SOX5: variants seen among roughly 807,000 people sequenced by gnomAD.
SOX5 encodes the protein transcription factor SOX-5.
A neutral mutation model predicts 92.0 loss-of-function variants in SOX5; 9 were observed. That is an observed-to-expected ratio of 0.10 (90% CI 0.06 to 0.17). The LOEUF (loss-of-function observed/expected upper bound fraction) is 0.17, where lower values mean the gene tolerates loss of function less well. SOX5 is among the 10% of genes least tolerant of loss of function. The pLI, the probability that SOX5 is intolerant of heterozygous loss-of-function variation, is 1.00. For missense variants in SOX5, 642 were observed against 944.5 expected, an observed-to-expected ratio of 0.68 and a Z score of 4.20; for synonymous variants, 344 against 336.3, an observed-to-expected ratio of 1.02 and a Z score of -0.25.
At chr12:24,333,851 T>TAAAAAAA (rs5797076) in intron 2 of SOX5, among the ~76,000 whole-genome samples, 2 of 138,508 alleles carry the variant, frequency 1.4e-5, no homozygotes, top group Non-Finnish European at 1.6e-5. Flanking sequence ...TTCACCAAGT[T>TAAAAAAA]AAAAAAAAAA....
chr12:23,556,536 G>A (rs1945209459), intron 11 of SOX5, among the ~76,000 whole-genome samples: 1 of 152,096 alleles, frequency 6.6e-6, no homozygotes, highest in South Asian at 2.1e-4. Flanking sequence ...CACACCCCTA[G>A]TAAAATCTGC....
At position 24,551,373 on chromosome 12, in the gene SOX5, C is replaced by T. The variant is rs78554029; in HGVS notation, c.-251+10956G>A. Reference sequence around the variant, plus strand: ...ACAATCAGATGTAGACCTCACTGAACGTTAAATAGATTGTCTAAGAATGTG... The same window carrying T: ...ACAATCAGATGTAGACCTCACTGAATGTTAAATAGATTGTCTAAGAATGTG... On this transcript the variant is annotated intron_variant, in intron 1 of 4. Transcript: ENST00000446891. 5.3e-3 allele frequency among the ~76,000 whole-genome samples: 805 copies of T among 152,148 alleles called. 4 individuals are homozygous for T. Among genetic ancestry groups the T allele is most frequent in the African/African-American group, 0.019 (780 of 41,496 alleles).
intron 1 of SOX5, among the ~76,000 whole-genome samples, chr12:24,539,432 G>T (rs554221544): frequency 2.0e-5 from 3 of 152,228 alleles, no homozygotes; most frequent in African/African-American, 7.2e-5. Context: ...ATTAAAAGGT[G>T]ATGTTACAAA....
intron 3 of SOX5, among the ~76,000 whole-genome samples, chr12:23,801,244 G>A (rs1432127677): frequency 1.3e-5 from 2 of 152,148 alleles, no homozygotes; most frequent in South Asian, 4.2e-4. Context: ...TGAAACATTG[G>A]TCTATAAGAA....
At chr12:24,407,109 A>G (rs1279947059) in intron 1 of SOX5, among the ~76,000 whole-genome samples, 1 of 151,982 alleles carries the variant, frequency 6.6e-6, no homozygotes, top group African/African-American at 2.4e-5. Flanking sequence ...AGGGTGGGGG[A>G]GCTTTTTAAT....
rs1369171008 is a variant in SOX5 at position 23,834,865 on chromosome 12, A to C, written c.481+11118T>G. 2.0e-5 allele frequency among the ~76,000 whole-genome samples: 3 copies of C among 151,882 alleles called. No individual in the cohort carries two copies. The East Asian group carries it at 5.8e-4, about 29-fold the overall frequency. The stretch of plus-strand genomic sequence containing the variant: ...GAAACTTAACTGTGTGAATAAGCTG[A>C]AATGGCCATTTCAAAGAGATGCTGA... On this transcript the variant is annotated intron_variant, in intron 3 of 14. Coordinates refer to ENST00000451604, the MANE Select transcript of SOX5 (RefSeq NM_006940.6).
intron 4 of SOX5, among the ~76,000 whole-genome samples, chr12:24,132,632 C>A (rs1949755184): frequency 6.6e-6 from 1 of 152,098 alleles, no homozygotes; most frequent in Non-Finnish European, 1.5e-5. Flanking sequence ...CAAATTTATA[C>A]AGAAACTATT....
At chr12:24,545,427 C>G (rs1298835964) in intron 1 of SOX5, among the ~76,000 whole-genome samples, 2 of 151,832 alleles carry the variant, frequency 1.3e-5, no homozygotes, top group African/African-American at 4.8e-5. Context: ...TGAGGAAATG[C>G]ATTATGGATT....
At chr12:23,922,812 C>T (rs1376962150) in intron 1 of SOX5, among the ~76,000 whole-genome samples, 2 of 152,178 alleles carry the variant, frequency 1.3e-5, no homozygotes, top group African/African-American at 4.8e-5. Context: ...AGCTGACGCA[C>T]TCACAATCTA....
chr12:24,299,405 C>T (rs951370826), intron 2 of SOX5, among the ~76,000 whole-genome samples: 7 of 151,928 alleles, frequency 4.6e-5, no homozygotes, highest in South Asian at 4.2e-4. Context: ...ATATCCAGCC[C>T]GGTGAGAATC....
intron 1 of SOX5, among the ~76,000 whole-genome samples, chr12:24,394,407 G>T (rs975345961): frequency 6.6e-6 from 1 of 152,142 alleles, no homozygotes; most frequent in African/African-American, 2.4e-5. Flanking sequence ...ATCTGCAGGA[G>T]CCCGGCCGCC....
At chr12:24,444,695 C>T (rs1596712149) in intron 1 of SOX5, among the ~76,000 whole-genome samples, 2 of 152,286 alleles carry the variant, frequency 1.3e-5, no homozygotes, top group African/African-American at 4.8e-5. Context: ...TACACTCCAT[C>T]CCAGAAGCAG....
chr12:24,216,688 C>T (rs1959184609), intron 3 of SOX5, among the ~76,000 whole-genome samples: 1 of 152,008 alleles, frequency 6.6e-6, no homozygotes, highest in African/African-American at 2.4e-5. Flanking sequence ...TTTGGGAGAC[C>T]AAGAAGGAGG....
intron 3 of SOX5, among the ~76,000 whole-genome samples, chr12:23,835,205 T>A (rs2096393186): frequency 6.6e-6 from 1 of 151,784 alleles, no homozygotes; most frequent in Non-Finnish European, 1.5e-5. Flanking sequence ...TTAAATTTAA[T>A]GAAATGGTCT....
intron 2 of SOX5, among the ~76,000 whole-genome samples, chr12:23,879,750 T>C (rs1161248916): frequency 1.3e-5 from 2 of 152,208 alleles, no homozygotes; most frequent in Non-Finnish European, 2.9e-5. Flanking sequence ...CCTCACAAGC[T>C]AAATAGTCTT....
chr12:24,196,923 A>G (rs1022838179), intron 4 of SOX5, among the ~76,000 whole-genome samples: 2 of 152,022 alleles, frequency 1.3e-5, no homozygotes, highest in African/African-American at 4.8e-5. Flanking sequence ...AAACAAAAAC[A>G]AAAACAAACA....
intron 1 of SOX5, among the ~76,000 whole-genome samples, chr12:24,437,976 T>C (rs1416212300): frequency 6.6e-6 from 1 of 152,182 alleles, no homozygotes; most frequent in Admixed American, 6.5e-5. Context: ...TAAAGACACA[T>C]GCACACGTAT....
chr12:23,770,305 G>A (rs1468451406), intron 3 of SOX5, among the ~76,000 whole-genome samples: 2 of 151,348 alleles, frequency 1.3e-5, no homozygotes, highest in Non-Finnish European at 2.9e-5. Flanking sequence ...CCAACGCAGA[G>A]GACTACTACT....
rs191910333 is a variant in SOX5 at position 23,751,007 on chromosome 12, C to T, written c.568+4631G>A. On this transcript the variant is annotated intron_variant, in intron 4 of 14. Coordinates refer to ENST00000451604, the MANE Select transcript of SOX5 (RefSeq NM_006940.6). ...TTATTTTGAAAACTTATATTCTACG[C>T]GCCAGCAGTCTTTCTTTAGTTCTTG... Among the ~76,000 whole-genome samples the T allele has an allele frequency of 9.5e-3, 1,441 of 151,960 alleles. 23 individuals are homozygous for T. Among genetic ancestry groups the T allele is most frequent in the Non-Finnish European group, 9.9e-3 (670 of 67,874 alleles).
Sources: allele counts gnomAD v4.1 joint callset (sites outside exome capture counted in the v4.1 genomes callset), GRCh38; gene constraint gnomAD v4.1.1; transcripts MANE v1.5; gene names NCBI Gene and HGNC (gene_info 2026-07-23, HGNC 2026-07-21).